FAM135A: variants seen among roughly 807,000 people sequenced by gnomAD.
The protein encoded by FAM135A is family with sequence similarity 135 member A.
FAM135A carries 79 observed loss-of-function variants against 146.8 expected under a neutral mutation model. The ratio of observed to expected loss-of-function variants is 0.54; its 90% CI spans 0.45 to 0.65. The LOEUF is 0.65. Ranked by LOEUF, FAM135A falls within the 30% of genes least tolerant of loss-of-function variation. The pLI, the probability that FAM135A is intolerant of heterozygous loss-of-function variation, is 0.00. For missense variants in FAM135A, 1,623 were observed against 1,758.2 expected, an observed-to-expected ratio of 0.92 and a Z score of 1.38; for synonymous variants, 562 against 603.6, an observed-to-expected ratio of 0.93 and a Z score of 1.01.
At chr6:70,444,852 T>A (rs912918997) in intron 4 of FAM135A, among the ~76,000 whole-genome samples, 6 of 152,182 alleles carry the variant, frequency 3.9e-5, no homozygotes, top group Non-Finnish European at 7.3e-5. Context: ...GATTAAAAAA[T>A]TTTTTAACAG....
chr6:70,491,045 G>T lies in FAM135A; in HGVS notation c.835G>T (p.Val279Leu). 1 of 1,600,314 alleles carries T rather than the reference G, an allele frequency of 6.2e-7. No homozygotes were observed. The highest frequency in any genetic ancestry group is 1.1e-5 in the South Asian group (1 of 88,374). The change falls in exon 11 of 22, where the codon GTA becomes TTA. Residue 279 changes from valine (V) to leucine (L), a missense_variant. By Grantham distance (32) the Val-to-Leu change is conservative. Coordinates refer to ENST00000418814, the MANE Select transcript of FAM135A (RefSeq NM_001162529.3). ...CQKLELEEMD[V>L]EARLTELCEE... ...TTTACTCCTTCCAGAGGAAATGGAT[G>T]TAGAAGCTCGACTTACTGAACTATG...
intron 16 of FAM135A, among the ~76,000 whole-genome samples, chr6:70,532,484 T>C (rs981070812): frequency 1.3e-5 from 2 of 152,332 alleles, no homozygotes; most frequent in South Asian, 4.1e-4. Flanking sequence ...AAATCTAAAA[T>C]GCATTCACAG....
intron 5 of FAM135A, among the ~76,000 whole-genome samples, chr6:70,472,662 A>G (rs772182383): frequency 2.0e-5 from 3 of 152,168 alleles, no homozygotes; most frequent in Non-Finnish European, 4.4e-5. Context: ...TATTGTAATT[A>G]ATTGTTATGT....
rs768934723 is a variant in FAM135A at position 70,526,413 on chromosome 6, G to A, written c.3329G>A (p.Gly1110Glu). The A allele has an allele frequency of 1.7e-5, 27 of 1,613,466 alleles. No homozygotes were observed. Among genetic ancestry groups the A allele is most frequent in the Non-Finnish European group, 2.1e-5 (25 of 1,179,624 alleles). Residue 1110 changes from glycine to glutamate, a missense_variant, in exon 15 of 22, where the codon GGA (glycine) becomes GAA (glutamate). Gly to Glu is a moderately conservative substitution (Grantham distance 98, BLOSUM62 -2). This residue lies in a region of FAM135A where 1,061 missense variants were observed against 1,113.8 expected (regional missense o/e 0.95). Coordinates refer to ENST00000418814, the MANE Select transcript of FAM135A (RefSeq NM_001162529.3). ...GAAACAGATTATTCAGCTTTGGATG[G>A]AACAATAAATGCTCACTATACAAGC... is the stretch of plus-strand genomic sequence containing the variant. Reference protein sequence around the residue: ...YEETDYSALDGTINAHYTSRD... With the variant: ...YEETDYSALDETINAHYTSRD...
rs562531655 is a variant in FAM135A, at chr6:70,560,235, A to G, written c.*314A>G. The G allele has an allele frequency of 2.2e-5, 5 of 231,290 alleles. No individual in the cohort carries two copies. In the East Asian group the frequency reaches 5.8e-4, roughly 27 times the overall value. The allele number at this position is 231,290 out of a possible 1,614,324, so 14.3% of individuals were successfully genotyped here. ...GATTGTTTATTATTGGCTTTCCACA[A>G]TTCTTACATCAGACTACATTATATT... On this transcript the variant is annotated 3_prime_UTR_variant, in exon 22 of 22. Coordinates refer to ENST00000418814, the MANE Select transcript of FAM135A (RefSeq NM_001162529.3).
chr6:70,530,490 A>AACGAC (rs1338992108), intron 16 of FAM135A, among the ~76,000 whole-genome samples: 1 of 152,228 alleles, frequency 6.6e-6, no homozygotes, highest in Non-Finnish European at 1.5e-5. Flanking sequence ...AGCAGTTTAT[A>AACGAC]ACGACATGCT....
intron 4 of FAM135A, among the ~76,000 whole-genome samples, chr6:70,444,396 G>A (rs1472809459): frequency 2.7e-5 from 4 of 147,706 alleles, no homozygotes; most frequent in Non-Finnish European, 5.9e-5. Flanking sequence ...GAGTAAGTCT[G>A]TGTCTCAAAA....
chr6:70,522,707 A>T, intron 13 of FAM135A, 121 bp downstream of exon 13: 1 of 724,736 alleles, frequency 1.4e-6, no homozygotes. Context: ...GGAGAATTTG[A>T]ATTTCAGAAA....
At chr6:70,444,542 G>T (rs1775279318) in intron 4 of FAM135A, among the ~76,000 whole-genome samples, 2 of 152,118 alleles carry the variant, frequency 1.3e-5, no homozygotes, top group Admixed American at 1.3e-4. Context: ...TTCAGCCTGG[G>T]TGACAGAGTG....
At chr6:70,423,396 A>G (rs1769305630) in intron 2 of FAM135A, among the ~76,000 whole-genome samples, 2 of 152,152 alleles carry the variant, frequency 1.3e-5, no homozygotes, top group South Asian at 4.1e-4. Context: ...TGCTGTAACA[A>G]AGAGTTACGA....
chr6:70,420,231 T>C (rs1768516021), intron 2 of FAM135A, among the ~76,000 whole-genome samples: 1 of 152,202 alleles, frequency 6.6e-6, no homozygotes, highest in Non-Finnish European at 1.5e-5. Flanking sequence ...TCAGGGCATC[T>C]GTGGGTTCAT....
chr6:70,523,539 G>A (rs1794053685), intron 13 of FAM135A, among the ~76,000 whole-genome samples: 1 of 152,030 alleles, frequency 6.6e-6, no homozygotes, highest in Admixed American at 6.6e-5. Flanking sequence ...AATTTTATTT[G>A]TCAATATATG....
intron 5 of FAM135A, among the ~76,000 whole-genome samples, chr6:70,456,271 C>T (rs1162079537): frequency 2.0e-5 from 3 of 152,172 alleles, no homozygotes; most frequent in Non-Finnish European, 4.4e-5. Context: ...CCAACTATCT[C>T]CTTGTTATGT....
Position 70,560,081 on chromosome 6 carries a change from CAACTT to C in FAM135A, c.*161_*165del. On this transcript the variant is annotated 3_prime_UTR_variant, in exon 22 of 22. Coordinates refer to ENST00000418814, the MANE Select transcript of FAM135A (RefSeq NM_001162529.3). ...TCCATGTTTAGTGCTTTTTAAACAT[CAACTT>C]TACTTTCTAGGTAATGTGGCTGTGC... 1 of 568,172 alleles carries C rather than the reference CAACTT, an allele frequency of 1.8e-6. No individual in the cohort carries two copies. Among genetic ancestry groups the C allele is most frequent in the East Asian group, 3.1e-5 (1 of 31,906 alleles). 35.2% of individuals were successfully genotyped at this position (568,172 alleles called of 1,614,324 possible).
chr6:70,493,471 T>C (rs958046836), intron 11 of FAM135A, among the ~76,000 whole-genome samples: 3 of 152,190 alleles, frequency 2.0e-5, no homozygotes, highest in African/African-American at 7.2e-5. Context: ...TAAATTTCAG[T>C]ATGTAAATGG....
intron 4 of FAM135A, among the ~76,000 whole-genome samples, chr6:70,448,763 G>T (rs1014293602): frequency 3.3e-5 from 5 of 152,208 alleles, no homozygotes; most frequent in Non-Finnish European, 7.3e-5. Flanking sequence ...TCCCTTATGG[G>T]AAACAAAGGG....
intron 5 of FAM135A, among the ~76,000 whole-genome samples, chr6:70,473,650 G>T (rs1199593876): frequency 1.3e-5 from 2 of 151,998 alleles, no homozygotes; most frequent in Non-Finnish European, 2.9e-5. Flanking sequence ...CACACAGATG[G>T]TCTCCTTGAA....
rs1440926741 is a variant in FAM135A, at chr6:70,560,114, TA to T, written c.*194del. 7.9e-6 allele frequency: 4 copies of T among 508,630 alleles called. No individual in the cohort carries two copies. The East Asian group carries it at 1.0e-4, about 13-fold the overall frequency. The allele number at this position is 508,630 out of a possible 1,614,324, so 31.5% of individuals were successfully genotyped here. ...CTTTCTAGGTAATGTGGCTGTGCAA[TA>T]TTTTTTTAATTTTATCTTTTTACTT... On this transcript the variant is annotated 3_prime_UTR_variant, in exon 22 of 22. Coordinates refer to ENST00000418814, the MANE Select transcript of FAM135A (RefSeq NM_001162529.3).
chr6:70,418,760 G>C (rs1448939684), intron 2 of FAM135A, among the ~76,000 whole-genome samples: 1 of 152,218 alleles, frequency 6.6e-6, no homozygotes, highest in Non-Finnish European at 1.5e-5. Context: ...CAAGAAATAC[G>C]ACTATAACTC....
Sources: gnomAD v4.1 joint callset for allele counts (sites outside exome capture counted in the v4.1 genomes callset) on GRCh38, gnomAD v4.1.1 for gene constraint, gnomAD v4.1.1 regional missense constraint, MANE v1.5 for transcripts, NCBI Gene and HGNC (gene_info 2026-07-23, HGNC 2026-07-21) for gene names.